Variants in NUBP1 observed in about 807,000 individuals in gnomAD.
The protein encoded by NUBP1 is cytosolic Fe-S cluster assembly factor NUBP1.
A neutral mutation model predicts 41.8 loss-of-function variants in NUBP1; 46 were observed. The ratio of observed to expected loss-of-function variants is 1.10; its 90% CI spans 0.87 to 1.41. The LOEUF is 1.41. Among genes scored for constraint, NUBP1 ranks in the 40% most tolerant of loss-of-function variants. The pLI is 0.00. For missense variants in NUBP1, 494 were observed against 414.0 expected, an observed-to-expected ratio of 1.19 and a Z score of -1.68; for synonymous variants, 189 against 154.6, an observed-to-expected ratio of 1.22 and a Z score of -1.65.
chr16:10,753,292 GA>G (rs1900406876), intron 4 of NUBP1, among the ~76,000 whole-genome samples: 1 of 152,194 alleles, frequency 6.6e-6, no homozygotes, highest in African/African-American at 2.4e-5. Context: ...GTAAGACACG[GA>G]AATTTAGCTC....
In NUBP1 at chr16:10,751,571, C is replaced by T. The variant is rs115159127; in HGVS notation, c.259-1039C>T. On this transcript the variant is annotated intron_variant, in intron 3 of 10. Transcript: ENST00000283027. ...GTTAAAAAGTGACGCGGAGGTGCAG[C>T]ACTTTGGATCCGAGTCATTGCAGCT... Among the ~76,000 whole-genome samples, 1,368 of 152,232 alleles carry T rather than the reference C, an allele frequency of 9.0e-3. 23 individuals are homozygous for T. Among genetic ancestry groups the T allele is most frequent in the African/African-American group, 0.032 (1,309 of 41,526 alleles).
intron 3 of NUBP1, among the ~76,000 whole-genome samples, chr16:10,752,247 T>A (rs1900351892): frequency 6.6e-6 from 1 of 152,220 alleles, no homozygotes; most frequent in Non-Finnish European, 1.5e-5. Flanking sequence ...GTCTCTTGGC[T>A]GTTCCATCCA....
At position 10,759,278 on chromosome 16, in the gene NUBP1, G is replaced by A. The variant is rs1013252852; in HGVS notation, c.606+1251G>A. On this transcript the variant is annotated intron_variant, in intron 7 of 10. Coordinates refer to ENST00000283027, the MANE Select transcript of NUBP1 (RefSeq NM_002484.4). The surrounding 1 kb of genome is among the most constrained non-coding windows in gnomAD (Gnocchi z 4.7). ...CAGCCAATGGAGTGGCAGGCCCAGC[G>A]GCCATGGGAAGGGTGTCCGGGTCAG... Among the ~76,000 whole-genome samples, 25 of 152,262 alleles carry A rather than the reference G, an allele frequency of 1.6e-4. No individual in the cohort carries two copies. Among genetic ancestry groups the A allele is most frequent in the African/African-American group, 4.8e-4 (20 of 41,530 alleles).
chr16:10,757,791 C>T lies in NUBP1; in HGVS notation c.452-82C>T. On this transcript the variant is annotated intron_variant, in intron 6 of 10. Coordinates refer to ENST00000283027, the MANE Select transcript of NUBP1 (RefSeq NM_002484.4). This position sits in a 1 kb window ranked among gnomAD's most constrained non-coding sequence, Gnocchi z 4.1. ...CAACCTGGGCAACATAGCAAGACCCCATCCTTTAAAAAAAAAAGAGGGAGT... is the reference window on the plus strand; with the variant it reads ...CAACCTGGGCAACATAGCAAGACCCTATCCTTTAAAAAAAAAAGAGGGAGT... 6.5e-7 allele frequency: 1 copy of T among 1,544,250 alleles called. No individual in the cohort carries two copies. Among genetic ancestry groups the T allele is most frequent in the Non-Finnish European group, 8.8e-7 (1 of 1,135,190 alleles).
Position 10,743,855 on chromosome 16 carries a change from G to A in NUBP1, c.-9G>A. 1.3e-6 allele frequency: 2 copies of A among 1,562,772 alleles called. No homozygotes were observed. The highest frequency in any genetic ancestry group is 8.7e-7 in the Non-Finnish European group (1 of 1,153,768). On this transcript the variant is annotated 5_prime_UTR_variant, in exon 1 of 11. Coordinates refer to ENST00000283027, the MANE Select transcript of NUBP1 (RefSeq NM_002484.4). The stretch of plus-strand genomic sequence containing the variant: ...TTCCGGTGACCACGAAGGCGGCAAA[G>A]GCGACGGAATGGAGGAGGTGCCTCA...
Position 10,768,720 on chromosome 16 carries a change from GTGTTTGT to G in NUBP1, c.905-325_905-319del. On this transcript the variant is annotated intron_variant, in intron 10 of 10. Coordinates refer to ENST00000283027, the MANE Select transcript of NUBP1 (RefSeq NM_002484.4). The surrounding 1 kb of genome is among the most constrained non-coding windows in gnomAD (Gnocchi z 4.3). Reference sequence around the variant, plus strand: ...CCCCAGAGTTAGGGCAGAGGTGTCAGTGTTTGTTAAAGCTGTGGTCTCTGAGTTTGTG... The same window carrying G: ...CCCCAGAGTTAGGGCAGAGGTGTCAGTAAAGCTGTGGTCTCTGAGTTTGTG... The G allele has an allele frequency of 3.7e-6, 1 of 269,462 alleles. No homozygotes were observed. The highest frequency in any genetic ancestry group is 6.9e-6 in the Non-Finnish European group (1 of 145,006). The allele number at this position is 269,462 out of a possible 1,614,324, so 16.7% of individuals were successfully genotyped here.
chr16:10,762,106 A>G, intron 9 of NUBP1: 2 of 397,714 alleles, frequency 5.0e-6, no homozygotes, highest in East Asian at 8.2e-5. Context: ...AGAATGGGGT[A>G]GAGGTTGGTG....
At position 10,755,739 on chromosome 16, in the gene NUBP1, G is replaced by C; in HGVS notation, c.346G>C (p.Gly116Arg). The C allele has an allele frequency of 1.2e-6, 2 of 1,614,200 alleles. No individual in the cohort carries two copies. Among genetic ancestry groups the C allele is most frequent in the Non-Finnish European group, 1.7e-6 (2 of 1,180,026 alleles). Residue 116 changes from glycine to arginine, a missense_variant, in exon 5 of 11, where the codon GGC becomes CGC. Coordinates refer to ENST00000283027, the MANE Select transcript of NUBP1 (RefSeq NM_002484.4). ...CACACAGGTTCACCAGAGTGGCTCA[G>C]GCTGGTCTCCAGTGGTGAGTTTTCA... The part of the protein sequence containing the change: ...EGEQVHQSGS[G>R]WSPVYVEDNL...
intron 7 of NUBP1, 89 bp downstream of exon 7, chr16:10,758,116 C>G: frequency 2.1e-6 from 3 of 1,453,788 alleles, no homozygotes; most frequent in Non-Finnish European, 2.8e-6. Flanking sequence ...TCTGGTCTCA[C>G]CAAGGCTCTT....
rs2302710 is a variant in NUBP1 at position 10,768,066 on chromosome 16, C to A, written c.904+34C>A. On this transcript the variant is annotated intron_variant, in intron 10 of 10. Coordinates refer to ENST00000283027, the MANE Select transcript of NUBP1 (RefSeq NM_002484.4). This position sits in a 1 kb window ranked among gnomAD's most constrained non-coding sequence, Gnocchi z 4.3. ...TTCCATGAGTACTAAATGCAGATGC[C>A]TGTGGGGCAGGAAGCAACATAAAGG... The A allele has an allele frequency of 2.5e-6, 4 of 1,597,892 alleles. No individual in the cohort carries two copies. In the East Asian group the frequency reaches 8.9e-5, roughly 36 times the overall value.
chr16:10,767,949 G>GT lies in NUBP1; in HGVS notation c.822dup (p.Lys275Ter). 6.2e-7 allele frequency: 1 copy of GT among 1,614,044 alleles called. No homozygotes were observed. Among genetic ancestry groups the GT allele is most frequent in the Non-Finnish European group, 8.5e-7 (1 of 1,179,952 alleles). On this transcript the variant is annotated frameshift_variant and splice_region_variant, in exon 10 of 11. Transcript: ENST00000283027. LOFTEE classifies it high-confidence loss of function. The surrounding 1 kb of genome is among the most constrained non-coding windows in gnomAD (Gnocchi z 4.6). ...GTCTTCCGTTTGTTTCTTTTTTAAG[G>GT]TAAGAATTGTGACAAAGGCCAGTCT...
At chr16:10,752,731 A>G in intron 4 of NUBP1, 53 bp downstream of exon 4, 2 of 1,428,796 alleles carry the variant, frequency 1.4e-6, no homozygotes, top group South Asian at 2.3e-5. Context: ...CAAACTCTGT[A>G]GCACTGAACT....
At chr16:10,744,965 C>G (rs562988448) in intron 2 of NUBP1, among the ~76,000 whole-genome samples, 3 of 151,736 alleles carry the variant, frequency 2.0e-5, no homozygotes, top group African/African-American at 7.2e-5. Flanking sequence ...ACCATGTTGA[C>G]CAGGTTGGTC....
At chr16:10,763,964 G>C (rs989150377) in intron 9 of NUBP1, 2 of 192,904 alleles carry the variant, frequency 1.0e-5, no homozygotes, top group South Asian at 6.6e-5. Flanking sequence ...CAGCCCACAG[G>C]AGTATCTCAG....
rs550291329 is a variant in NUBP1 at position 10,769,191 on chromosome 16, T to A, written c.*86T>A. On this transcript the variant is annotated 3_prime_UTR_variant, in exon 11 of 11. Coordinates refer to ENST00000283027, the MANE Select transcript of NUBP1 (RefSeq NM_002484.4). The stretch of plus-strand genomic sequence containing the variant: ...CAGCCAGACCCGACCAGCTCCGGGA[T>A]GGGGTGGGTCACAGCAAAAGGACCA... The A allele has an allele frequency of 7.9e-7, 1 of 1,264,738 alleles. No homozygotes were observed. Among genetic ancestry groups the A allele is most frequent in the South Asian group, 1.2e-5 (1 of 81,460 alleles). 78.3% of individuals were successfully genotyped at this position (1,264,738 alleles called of 1,614,324 possible).
intron 7 of NUBP1, among the ~76,000 whole-genome samples, chr16:10,760,565 C>T (rs1279045524): frequency 6.6e-6 from 1 of 152,118 alleles, no homozygotes; most frequent in African/African-American, 2.4e-5. Context: ...GGGCAACAAC[C>T]ATCTCTATAA....
At chr16:10,762,770 G>A (rs2030166868) in intron 9 of NUBP1, among the ~76,000 whole-genome samples, 1 of 152,184 alleles carries the variant, frequency 6.6e-6, no homozygotes, top group African/African-American at 2.4e-5. Context: ...GAGGGGCCGG[G>A]CGGGTGAAGT....
At chr16:10,763,038 A>G (rs1179029697) in intron 9 of NUBP1, among the ~76,000 whole-genome samples, 1 of 152,050 alleles carries the variant, frequency 6.6e-6, no homozygotes, top group Non-Finnish European at 1.5e-5. Flanking sequence ...GGACACACAC[A>G]AGAGAGAAAG....
chr16:10,755,751 G>A lies in NUBP1; in HGVS notation c.358G>A (p.Val120Met), dbSNP rs147401021. Residue 120 changes from valine to methionine, a missense_variant and splice_region_variant, in exon 5 of 11, where the codon GTG becomes ATG. Physicochemically the swap from Val to Met is conservative, Grantham distance 21. Transcript: ENST00000283027. ...VHQSGSGWSP[V>M]YVEDNLGVMS... Reference sequence around the variant, plus strand: ...CCAGAGTGGCTCAGGCTGGTCTCCAGTGGTGAGTTTTCACCTCTTTGCCCT... The same window carrying A: ...CCAGAGTGGCTCAGGCTGGTCTCCAATGGTGAGTTTTCACCTCTTTGCCCT... 3 of 1,614,048 alleles carry A rather than the reference G, an allele frequency of 1.9e-6. No individual in the cohort carries two copies. The highest frequency in any genetic ancestry group is 1.6e-4 in the Middle Eastern group (1 of 6,084).
Sources: gnomAD v4.1 joint callset for allele counts (sites outside exome capture counted in the v4.1 genomes callset) on GRCh38, gnomAD v4.1.1 for gene constraint, Gnocchi (gnomAD v3.1) non-coding constraint, MANE v1.5 for transcripts, NCBI Gene and HGNC (gene_info 2026-07-23, HGNC 2026-07-21) for gene names.